Variants in GRIP1 observed in about 807,000 individuals in gnomAD.
GRIP1 encodes the protein glutamate receptor interacting protein 1, also known as glutamate receptor-interacting protein 1.
GRIP1 carries 45 observed loss-of-function variants against 129.9 expected under a neutral mutation model. The ratio of observed to expected loss-of-function variants is 0.35; its 90% CI spans 0.27 to 0.44. GRIP1 has a LOEUF of 0.44. GRIP1 is among the 20% of genes least tolerant of loss of function. The pLI is 1.00. For synonymous variants in GRIP1, 530 were observed against 520.8 expected, an observed-to-expected ratio of 1.02 and a Z score of -0.24; for missense variants, 1,196 against 1,396.8, an observed-to-expected ratio of 0.86 and a Z score of 2.29.
rs192824061 is a variant in GRIP1 at position 66,674,682 on chromosome 12, A to C, written c.55+4168T>G. 1.4e-4 allele frequency among the ~76,000 whole-genome samples: 21 copies of C among 152,296 alleles called. No homozygotes were observed. In the East Asian group the frequency reaches 4.1e-3, roughly 29 times the overall value. The stretch of plus-strand genomic sequence containing the variant: ...TCTCTCTGGAAACAAGTCCTAGACG[A>C]ATGTCTGACCTTCCCTTTCAAGCAT... On this transcript the variant is annotated intron_variant, in intron 1 of 24. Transcript: ENST00000359742.
intron 1 of GRIP1, among the ~76,000 whole-genome samples, chr12:66,643,636 C>T (rs1176238022): frequency 6.6e-6 from 1 of 152,144 alleles, no homozygotes; most frequent in Non-Finnish European, 1.5e-5. Flanking sequence ...AGGCTCTTAG[C>T]TTACTGCAGC....
At chr12:67,009,830 A>G (rs999797324) in intron 1 of GRIP1, among the ~76,000 whole-genome samples, 16 of 152,214 alleles carry the variant, frequency 1.1e-4, no homozygotes, top group African/African-American at 3.6e-4. Flanking sequence ...TATAAGCTGC[A>G]TTTGGAGTCC....
At chr12:66,927,929 T>C (rs1429488516) in intron 1 of GRIP1, among the ~76,000 whole-genome samples, 1 of 152,214 alleles carries the variant, frequency 6.6e-6, no homozygotes, top group African/African-American at 2.4e-5. Context: ...TTTTAGTCTC[T>C]GATTGGAGAA....
At chr12:66,742,546 G>C (rs2036819818) in intron 1 of GRIP1, among the ~76,000 whole-genome samples, 1 of 152,108 alleles carries the variant, frequency 6.6e-6, no homozygotes, top group Non-Finnish European at 1.5e-5. Flanking sequence ...AATTGGAAAG[G>C]AAGTGATAAA....
chr12:66,700,850 G>C (rs2035326971), intron 1 of GRIP1, among the ~76,000 whole-genome samples: 1 of 152,106 alleles, frequency 6.6e-6, no homozygotes, highest in Non-Finnish European at 1.5e-5. Context: ...TGCTGTCTGA[G>C]GCTTTCTGGC....
chr12:66,760,788 CAT>C (rs941207627), intron 1 of GRIP1, among the ~76,000 whole-genome samples: 4 of 151,396 alleles, frequency 2.6e-5, no homozygotes, highest in Non-Finnish European at 5.9e-5. Flanking sequence ...ATATTCCACA[CAT>C]CTCAATTTGA....
At chr12:66,930,637 G>C (rs2041379136) in intron 1 of GRIP1, among the ~76,000 whole-genome samples, 1 of 152,158 alleles carries the variant, frequency 6.6e-6, no homozygotes, top group Non-Finnish European at 1.5e-5. Flanking sequence ...AAGTTTATCT[G>C]AAATAGCATG....
At chr12:66,581,503 A>G (rs199912541) in intron 2 of GRIP1, among the ~76,000 whole-genome samples, 15,061 of 117,996 alleles carry the variant, frequency 0.13, 1,116 homozygotes, top group Admixed American at 0.14. Context: ...TTGATAGACC[A>G]CTAGCAAGAC....
intron 1 of GRIP1, among the ~76,000 whole-genome samples, chr12:66,689,560 G>A (rs2034903757): frequency 6.6e-6 from 1 of 152,118 alleles, no homozygotes; most frequent in African/African-American, 2.4e-5. Flanking sequence ...AATAAAAATT[G>A]TATATATTCA....
At chr12:66,694,526 T>C (rs954152872) in intron 1 of GRIP1, among the ~76,000 whole-genome samples, 2 of 152,162 alleles carry the variant, frequency 1.3e-5, no homozygotes, top group African/African-American at 4.8e-5. Context: ...CAGTACGTAT[T>C]ATTATATGTT....
rs963162939 is a variant in GRIP1, at chr12:66,396,926, C to T, written c.1985-2574G>A. On this transcript the variant is annotated intron_variant, in intron 16 of 24. Transcript: ENST00000359742. The stretch of plus-strand genomic sequence containing the variant: ...AGGAGTTCAAGACCAGCCTGGCCAA[C>T]GTGATGAATCCCCGTCTTAACTAAA... Among the ~76,000 whole-genome samples the T allele has an allele frequency of 7.3e-5, 11 of 151,436 alleles. No individual in the cohort carries two copies. In the East Asian group the frequency reaches 1.6e-3, roughly 22 times the overall value.
intron 13 of GRIP1, among the ~76,000 whole-genome samples, chr12:66,439,563 A>G (rs1941007262): frequency 6.6e-6 from 1 of 152,138 alleles, no homozygotes; most frequent in Admixed American, 6.5e-5. Flanking sequence ...TTGAAGCCAG[A>G]CTGCCTGGGT....
chr12:66,841,090 A>G, intron 1 of GRIP1, among the ~76,000 whole-genome samples: 1 of 152,190 alleles, frequency 6.6e-6, no homozygotes, highest in Non-Finnish European at 1.5e-5. Flanking sequence ...TTAACTAAAC[A>G]TCCCATATTT....
At chr12:66,765,656 T>C (rs908959748) in intron 1 of GRIP1, among the ~76,000 whole-genome samples, 1 of 152,198 alleles carries the variant, frequency 6.6e-6, no homozygotes, top group Non-Finnish European at 1.5e-5. Flanking sequence ...CTGTGGAACA[T>C]GCTGACTTTT....
chr12:66,908,433 A>C (rs1358263820), intron 1 of GRIP1, among the ~76,000 whole-genome samples: 1 of 152,220 alleles, frequency 6.6e-6, no homozygotes, highest in Non-Finnish European at 1.5e-5. Context: ...AAAAAGGATA[A>C]GTGCTGAAAA....
At chr12:66,869,914 G>GAC (rs1308367030) in intron 1 of GRIP1, among the ~76,000 whole-genome samples, 1 of 152,130 alleles carries the variant, frequency 6.6e-6, no homozygotes, top group African/African-American at 2.4e-5. Flanking sequence ...GATGCAGAGA[G>GAC]ACACATCTAA....
chr12:66,390,577 G>A (rs934781419), intron 19 of GRIP1, among the ~76,000 whole-genome samples: 14 of 152,172 alleles, frequency 9.2e-5, no homozygotes. Context: ...TCATGGTCCT[G>A]TGTCTGTGGT....
intron 1 of GRIP1, among the ~76,000 whole-genome samples, chr12:66,689,911 T>A (rs976383030): frequency 3.9e-5 from 6 of 152,046 alleles, no homozygotes; most frequent in East Asian, 1.9e-4. Context: ...AATTATTTAT[T>A]TTTATTTATT....
At chr12:66,522,257 G>A (rs1264784774) in intron 5 of GRIP1, among the ~76,000 whole-genome samples, 1 of 152,158 alleles carries the variant, frequency 6.6e-6, no homozygotes, top group African/African-American at 2.4e-5. Context: ...CCCCAAATAG[G>A]GGCAGACTGA....
Sources: allele counts gnomAD v4.1 joint callset (sites outside exome capture counted in the v4.1 genomes callset), GRCh38; gene constraint gnomAD v4.1.1; transcripts MANE v1.5; gene names NCBI Gene and HGNC (gene_info 2026-07-23, HGNC 2026-07-21).